Variants in SCN2A observed in about 807,000 individuals in gnomAD.
SCN2A encodes sodium channel protein type 2 subunit alpha.
Under a neutral mutation model 188.7 loss-of-function variants are expected in SCN2A, and 20 were observed. That is an observed-to-expected ratio of 0.11 (90% confidence interval 0.07 to 0.15). The LOEUF (loss-of-function observed/expected upper bound fraction) is 0.15, where lower values mean the gene tolerates loss of function less well. Among genes scored for constraint, SCN2A ranks in the 10% least tolerant of loss-of-function variants. SCN2A has a pLI of 1.00. For missense variants in SCN2A, 1,278 were observed against 2,445.0 expected (o/e 0.52, Z 10.07); for synonymous variants, 804 against 833.1 (o/e 0.97, Z 0.60).
intron 1 of SCN2A, among the ~76,000 whole-genome samples, chr2:165,258,893 T>C (rs915528487): frequency 2.6e-5 from 4 of 152,164 alleles, no homozygotes; most frequent in Non-Finnish European, 4.4e-5. Flanking sequence ...TGAGAACTCA[T>C]GGACACAAAG....
chr2:165,387,164 C>A, intron 26 of SCN2A, 148 bp downstream of exon 26: 1 of 794,712 alleles, frequency 1.3e-6, no homozygotes, highest in Non-Finnish European at 2.0e-6. Context: ...TTTTAGTTTG[C>A]CATTTCTCTA....
chr2:165,361,722 G>C (rs897565278), intron 17 of SCN2A, among the ~76,000 whole-genome samples: 4 of 151,970 alleles, frequency 2.6e-5, no homozygotes, highest in African/African-American at 9.7e-5. Flanking sequence ...TCCTTAAAGA[G>C]GCCCCATTCA....
chr2:165,347,083 C>A (rs757489218), intron 16 of SCN2A, among the ~76,000 whole-genome samples: 4 of 152,146 alleles, frequency 2.6e-5, no homozygotes, highest in Non-Finnish European at 4.4e-5. Context: ...CCAGGAATCC[C>A]ATAACTGGGT....
chr2:165,253,967 CAGAT>C (rs1694205071), intron 1 of SCN2A, among the ~76,000 whole-genome samples: 1 of 151,780 alleles, frequency 6.6e-6, no homozygotes, highest in Non-Finnish European at 1.5e-5. Flanking sequence ...GTTATATTGT[CAGAT>C]TTTCCTGGAA....
At chr2:165,285,561 A>C in intron 1 of SCN2A, 1 of 213,066 alleles carries the variant, frequency 4.7e-6, no homozygotes, top group South Asian at 9.2e-5. Flanking sequence ...TTTTGAATTC[A>C]TTCAGTACTT....
In SCN2A at chr2:165,315,597, A is replaced by G. The variant is rs745715788; in HGVS notation, c.1510A>G (p.Arg504Gly). The stretch of plus-strand genomic sequence containing the variant: ...CAAAAGTGAAAAAGAGCTGAAAAAC[A>G]GAAGAAAGAAAAAGAAACAGAAAGA... ...SSKSEKELKN[R>G]RKKKKQKEQS... Residue 504 changes from arginine to glycine, a missense_variant, in exon 11 of 27, where the codon AGA (arginine) becomes GGA (glycine). Physicochemically the swap from Arg to Gly is moderately radical, Grantham distance 125 (BLOSUM62 -2). Coordinates refer to ENST00000375437, the MANE Select transcript of SCN2A (RefSeq NM_001040142.2). The G allele has an allele frequency of 1.2e-6, 2 of 1,614,074 alleles. No individual in the cohort carries two copies. The highest frequency in any genetic ancestry group is 2.2e-5 in the East Asian group (1 of 44,862).
chr2:165,340,122 G>A (rs1699230022), intron 14 of SCN2A, among the ~76,000 whole-genome samples: 1 of 152,188 alleles, frequency 6.6e-6, no homozygotes, highest in South Asian at 2.1e-4. Context: ...TCGATCTTAT[G>A]CCAAGTGCCA....
intron 23 of SCN2A, among the ~76,000 whole-genome samples, chr2:165,379,905 C>G (rs1302236556): frequency 6.6e-6 from 1 of 151,658 alleles, no homozygotes; most frequent in Non-Finnish European, 1.5e-5. Flanking sequence ...ACACAGTTTT[C>G]TAAACAAAAG....
chr2:165,385,282 G>T (rs577107315), intron 25 of SCN2A, among the ~76,000 whole-genome samples: 1 of 152,218 alleles, frequency 6.6e-6, no homozygotes, highest in East Asian at 1.9e-4. Flanking sequence ...TAGTTGAGAA[G>T]GTAGAGAAAG....
rs572550754 is a variant in SCN2A at position 165,342,310 on chromosome 2, C to A, written c.2403C>A (p.Ile801=). ...LSVGNLVFTG[I]FTAEMFLKII... ...TTCTCATTTAGGTCTTCACAGGGAT[C>A]TTCACAGCAGAAATGTTTCTCAAGA... Residue 801 remains isoleucine (I), a synonymous_variant, in exon 15 of 27, where the codon ATC becomes ATA. Coordinates refer to ENST00000375437, the MANE Select transcript of SCN2A (RefSeq NM_001040142.2). 3 of 1,613,776 alleles carry A rather than the reference C, an allele frequency of 1.9e-6. No individual in the cohort carries two copies. The highest frequency in any genetic ancestry group is 2.2e-5 in the East Asian group (1 of 44,826).
At chr2:165,347,823 G>T (rs752494631) in intron 16 of SCN2A, among the ~76,000 whole-genome samples, 7 of 152,180 alleles carry the variant, frequency 4.6e-5, no homozygotes, top group Non-Finnish European at 7.3e-5. Context: ...GATCAGGGAA[G>T]TCTTTGTCAA....
In SCN2A at chr2:165,294,102, A is replaced by G. The variant is rs1696367175; in HGVS notation, c.-51-1671A>G. On this transcript the variant is annotated intron_variant, in intron 1 of 26. Coordinates refer to ENST00000375437, the MANE Select transcript of SCN2A (RefSeq NM_001040142.2). ...CAGTCTTCTTGGTGCCAGCTTATCA[A>G]TCCCAAACTCTGGGTGTAAAAGATT... is the stretch of plus-strand genomic sequence containing the variant. 7.1e-6 allele frequency: 7 copies of G among 982,032 alleles called. No homozygotes were observed. The South Asian group carries it at 2.8e-4, about 40-fold the overall frequency. 60.8% of individuals were successfully genotyped at this position (982,032 alleles called of 1,614,324 possible). A position where few individuals can be genotyped will look rare whatever the true frequency, so the allele number is the denominator to read the frequency against.
rs146949852 is a variant in SCN2A, at chr2:165,326,886, G to A, written c.2051G>A (p.Arg684Gln). The A allele has an allele frequency of 2.4e-5, 38 of 1,613,690 alleles. No individual in the cohort carries two copies. The highest frequency in any genetic ancestry group is 4.4e-5 in the South Asian group (4 of 91,080). ...ACTGAAACAGAAATAAGAAAGAGACGGTCCAGTTCTTATCATGTTTCCATG... is the reference window on the plus strand; with the variant it reads ...ACTGAAACAGAAATAAGAAAGAGACAGTCCAGTTCTTATCATGTTTCCATG... The part of the protein sequence containing the change: ...TTTETEIRKR[R>Q]SSSYHVSMDL... Residue 684 changes from arginine (R) to glutamine (Q), a missense_variant, in exon 13 of 27, where the codon CGG becomes CAG. By Grantham distance (43) the Arg-to-Gln change is conservative. This residue lies in a region of SCN2A where 315 missense variants were observed against 386.6 expected (regional missense o/e 0.81). Transcript: ENST00000375437.
rs185277462 is a variant in SCN2A, at chr2:165,258,428, G to A, written c.-52+18788G>A. Among the ~76,000 whole-genome samples, 461 of 152,232 alleles carry A rather than the reference G, an allele frequency of 3.0e-3. 1 individual carries two copies. The highest frequency in any genetic ancestry group is 5.2e-3 in the Non-Finnish European group (351 of 67,992). Reference sequence around the variant, plus strand: ...TTGTTTATTAAACAGGAAGTCCTTTGTCCGTTGCTTGCTGGAGAGATTGCA... The same window carrying A: ...TTGTTTATTAAACAGGAAGTCCTTTATCCGTTGCTTGCTGGAGAGATTGCA... On this transcript the variant is annotated intron_variant, in intron 1 of 26. Transcript: ENST00000375437.
intron 1 of SCN2A, among the ~76,000 whole-genome samples, chr2:165,258,646 C>A (rs560212770): frequency 6.6e-6 from 1 of 152,188 alleles, no homozygotes; most frequent in African/African-American, 2.4e-5. Context: ...ATGTTCACTG[C>A]AGCACTGTTC....
chr2:165,369,113 G>A (rs954963251), intron 19 of SCN2A, among the ~76,000 whole-genome samples: 5 of 151,982 alleles, frequency 3.3e-5, no homozygotes, highest in African/African-American at 1.2e-4. Flanking sequence ...TTTAGTAATA[G>A]AGACTGGGTT....
At chr2:165,383,619 T>C (rs1173599379) in intron 25 of SCN2A, among the ~76,000 whole-genome samples, 1 of 152,110 alleles carries the variant, frequency 6.6e-6, no homozygotes, top group Non-Finnish European at 1.5e-5. Context: ...ATTGTAGACT[T>C]GTTTTGGAGC....
At chr2:165,331,974 A>G (rs1006781090) in intron 14 of SCN2A, among the ~76,000 whole-genome samples, 10 of 152,074 alleles carry the variant, frequency 6.6e-5, no homozygotes, top group Admixed American at 3.3e-4. Flanking sequence ...AAGATGGACT[A>G]TGTAGGGAGG....
At chr2:165,351,973 A>G (rs571975006) in intron 16 of SCN2A, among the ~76,000 whole-genome samples, 180 of 151,964 alleles carry the variant, frequency 1.2e-3, no homozygotes, top group African/African-American at 4.0e-3. Context: ...TATAAATGTC[A>G]CAGTAAATGA....
Sources: allele counts gnomAD v4.1 joint callset (sites outside exome capture counted in the v4.1 genomes callset), GRCh38; gene constraint gnomAD v4.1.1; regional missense constraint gnomAD v4.1.1; transcripts MANE v1.5; gene names NCBI Gene and HGNC (gene_info 2026-07-23, HGNC 2026-07-21).